The following TMEM9 variants were observed in gnomAD, a reference collection of about 807,000 sequenced individuals.
TMEM9 encodes proton-transporting V-type ATPase complex assembly regulator TMEM9.
Under a neutral mutation model 22.8 loss-of-function variants are expected in TMEM9, and 13 were observed. The observed-to-expected ratio is 0.57, with a 90% CI of 0.37 to 0.91. The LOEUF (loss-of-function observed/expected upper bound fraction) is 0.91, where lower values mean the gene tolerates loss of function less well. TMEM9 is among the 40% of genes least tolerant of loss of function. The pLI is 0.01. For missense variants in TMEM9, 182 were observed against 238.1 expected (o/e 0.76, Z 1.55); for synonymous variants, 88 against 93.0 (o/e 0.95, Z 0.31).
chr1:201,136,287 C>G (rs1330522862), intron 4 of TMEM9, among the ~76,000 whole-genome samples: 1 of 152,176 alleles, frequency 6.6e-6, no homozygotes, highest in South Asian at 2.1e-4. Flanking sequence ...CGAGGTGCCC[C>G]CAGGGCTAGT....
rs758648894 is a variant in TMEM9 at position 201,151,815 on chromosome 1, G to A, written c.104C>T (p.Pro35Leu). The change falls in exon 2 of 5, where the codon CCT becomes CTT. Residue 35 changes from proline (P) to leucine (L), a missense_variant. Physicochemically the swap from Pro to Leu is moderately conservative, Grantham distance 98. Transcript: ENST00000367330. ...EDIRCKCICP[P>L]YRNISGHIYN... ...AATGTGCCCACTGATGTTTCTATAAGGTGGACAGATGCATTTGCACCGGAT... is the reference window on the plus strand; with the variant it reads ...AATGTGCCCACTGATGTTTCTATAAAGTGGACAGATGCATTTGCACCGGAT... The A allele has an allele frequency of 1.4e-5, 23 of 1,613,900 alleles. No individual in the cohort carries two copies. Among genetic ancestry groups the A allele is most frequent in the Non-Finnish European group, 1.9e-5 (23 of 1,180,020 alleles).
chr1:201,157,220 T>C (rs1665822830), upstream of TMEM9, among the ~76,000 whole-genome samples: 2 of 152,198 alleles, frequency 1.3e-5, no homozygotes, highest in Admixed American at 6.5e-5. Context: ...TAGCACCAGG[T>C]GTGCCATCTG....
chr1:201,147,346 T>C (rs2102259571), intron 2 of TMEM9, among the ~76,000 whole-genome samples: 1 of 152,216 alleles, frequency 6.6e-6, no homozygotes, highest in South Asian at 2.1e-4. Flanking sequence ...GCAAACTGGC[T>C]CCCCATTTGC....
intron 4 of TMEM9, 67 bp downstream of exon 4, chr1:201,143,753 C>T: frequency 6.4e-7 from 1 of 1,571,446 alleles, no homozygotes; most frequent in East Asian, 2.3e-5. Flanking sequence ...AGGTGACGCT[C>T]CTCTGGGTTT....
At chr1:201,160,190 C>T (rs1665905664) in intron 1 of TMEM9, among the ~76,000 whole-genome samples, 1 of 152,250 alleles carries the variant, frequency 6.6e-6, no homozygotes, top group Non-Finnish European at 1.5e-5. Flanking sequence ...GAACTTACTC[C>T]TGTCAAAGCA....
chr1:201,152,851 C>A lies in TMEM9; in HGVS notation c.67-999G>T, dbSNP rs143772007. ...GGCTTCTTGAAAGACTATAGCAGAG[C>A]GCATTCATAACAGAACAAGAAATCG... On this transcript the variant is annotated intron_variant, in intron 1 of 4. Transcript: ENST00000367330. Among the ~76,000 whole-genome samples the A allele has an allele frequency of 1.3e-3, 198 of 152,328 alleles. 2 individuals are homozygous for A. The highest frequency in any genetic ancestry group is 4.6e-3 in the African/African-American group (193 of 41,572).
At chr1:201,140,916 C>A (rs1664465889) in intron 4 of TMEM9, among the ~76,000 whole-genome samples, 1 of 152,194 alleles carries the variant, frequency 6.6e-6, no homozygotes, top group Admixed American at 6.5e-5. Context: ...ACATCCCTTT[C>A]CTCTGTGCAC....
At chr1:201,161,620 A>G (rs1435711035) in intron 1 of TMEM9, among the ~76,000 whole-genome samples, 1 of 152,234 alleles carries the variant, frequency 6.6e-6, no homozygotes, top group Non-Finnish European at 1.5e-5. Context: ...GGCATATTTT[A>G]CTTCAGGACT....
intron 1 of TMEM9, among the ~76,000 whole-genome samples, chr1:201,163,738 G>A (rs1290199077): frequency 2.6e-5 from 4 of 152,182 alleles, no homozygotes; most frequent in Admixed American, 1.3e-4. Flanking sequence ...AAATGCTGGT[G>A]AGGATGTGAA....
At chr1:201,171,474 G>T (rs1333785394) in intron 1 of TMEM9, 2 of 152,226 alleles carry the variant, frequency 1.3e-5, no homozygotes, top group African/African-American at 2.4e-5. Flanking sequence ...CACTTCACAC[G>T]AGAGAGATTA....
chr1:201,139,776 G>A (rs989327856), intron 4 of TMEM9, among the ~76,000 whole-genome samples: 28 of 152,186 alleles, frequency 1.8e-4, no homozygotes, highest in African/African-American at 4.8e-4. Context: ...CCATACACAC[G>A]ATCGCAACAG....
chr1:201,140,930 G>C (rs1390569297), intron 4 of TMEM9, among the ~76,000 whole-genome samples: 8 of 152,142 alleles, frequency 5.3e-5, no homozygotes, highest in Admixed American at 2.0e-4. Flanking sequence ...TGTGCACTGA[G>C]AGGGGCAGTA....
Position 201,151,846 on chromosome 1 carries a change from C to A in TMEM9, c.73G>T (p.Glu25Ter). ...CAGATGCATTTGCACCGGATATCTT[C>A]AGAACTCTGGAAAAGAAAGCACATG... ...VPPAEANKSS[E>*]DIRCKCICPP... The change falls in exon 2 of 5, where the codon GAA becomes TAA. Residue 25 changes from glutamate to a stop codon, truncating the protein, a stop_gained. Transcript: ENST00000367330. LOFTEE classifies it high-confidence loss of function. The A allele has an allele frequency of 1.2e-6, 2 of 1,613,214 alleles. No homozygotes were observed. The highest frequency in any genetic ancestry group is 1.7e-6 in the Non-Finnish European group (2 of 1,179,846).
At chr1:201,164,081 A>C (rs147614029) in intron 1 of TMEM9, among the ~76,000 whole-genome samples, 1 of 152,266 alleles carries the variant, frequency 6.6e-6, no homozygotes, top group African/African-American at 2.4e-5. Flanking sequence ...CTATTGATAG[A>C]TGCAACAACT....
rs547187908 is a variant in TMEM9, at chr1:201,140,197, G to A, written c.399+3623C>T. The stretch of plus-strand genomic sequence containing the variant: ...TCCCTGTATACTCTCTCCCAAAGGG[G>A]GCCCAGAACTCTACCCACTGCCCCA... On this transcript the variant is annotated intron_variant, in intron 4 of 4. Transcript: ENST00000367330. Among the ~76,000 whole-genome samples, 10 of 152,206 alleles carry A rather than the reference G, an allele frequency of 6.6e-5. No homozygotes were observed. The East Asian group carries it at 1.7e-3, about 26-fold the overall frequency.
intron 1 of TMEM9, among the ~76,000 whole-genome samples, chr1:201,164,535 C>T (rs1666028168): frequency 6.6e-6 from 1 of 152,110 alleles, no homozygotes; most frequent in African/African-American, 2.4e-5. Context: ...CTGCTTTTGA[C>T]TTACAAAAAT....
upstream of TMEM9, among the ~76,000 whole-genome samples, chr1:201,157,201 A>C (rs1162979566): frequency 1.3e-5 from 2 of 152,146 alleles, no homozygotes; most frequent in East Asian, 3.8e-4. Flanking sequence ...AGGGCATCTC[A>C]AAAAAAGTTA....
chr1:201,141,142 G>C (rs758384265), intron 4 of TMEM9, among the ~76,000 whole-genome samples: 2 of 152,118 alleles, frequency 1.3e-5, no homozygotes, highest in Non-Finnish European at 2.9e-5. Context: ...GTAACTTTCC[G>C]ACCCCTTGTC....
intron 1 of TMEM9, among the ~76,000 whole-genome samples, chr1:201,164,000 A>C (rs529075870): frequency 1.3e-5 from 2 of 152,374 alleles, no homozygotes; most frequent in East Asian, 3.8e-4. Flanking sequence ...ATGGGTGAAC[A>C]GTTAAACAAA....
Sources: allele counts gnomAD v4.1 joint callset (sites outside exome capture counted in the v4.1 genomes callset), GRCh38; gene constraint gnomAD v4.1.1; transcripts MANE v1.5; gene names NCBI Gene and HGNC (gene_info 2026-07-23, HGNC 2026-07-21).